The following KAZN variants were observed in gnomAD, a reference collection of about 807,000 sequenced individuals.
KAZN encodes the protein kazrin.
Under a neutral mutation model 87.4 loss-of-function variants are expected in KAZN, and 40 were observed. The observed-to-expected ratio is 0.46, with a 90% CI of 0.36 to 0.60. The LOEUF is 0.60. Among genes scored for constraint, KAZN ranks in the 20% least tolerant of loss-of-function variants. The pLI, the probability that KAZN is intolerant of heterozygous loss-of-function variation, is 0.00. For missense variants in KAZN, 898 were observed against 1,073.9 expected, an observed-to-expected ratio of 0.84 and a Z score of 2.29; for synonymous variants, 466 against 458.3, an observed-to-expected ratio of 1.02 and a Z score of -0.22.
chr1:14,087,959 C>T (rs1406954078), intron 1 of KAZN, among the ~76,000 whole-genome samples: 1 of 147,964 alleles, frequency 6.8e-6, no homozygotes, highest in Non-Finnish European at 1.5e-5. Flanking sequence ...TAATGGTGGA[C>T]TCATAAACTG....
chr1:14,034,550 C>T (rs534967342), intron 1 of KAZN, among the ~76,000 whole-genome samples: 25 of 152,260 alleles, frequency 1.6e-4, no homozygotes, highest in African/African-American at 5.8e-4. Context: ...GTGAACAAGG[C>T]GTTTGCCATT....
intron 2 of KAZN, among the ~76,000 whole-genome samples, chr1:14,382,630 C>A (rs1219481870): frequency 6.8e-6 from 1 of 147,940 alleles, no homozygotes; most frequent in Non-Finnish European, 1.5e-5. Context: ...CATCCATGTC[C>A]CTACAAAGGA....
intron 1 of KAZN, among the ~76,000 whole-genome samples, chr1:13,902,303 T>A (rs1273964242): frequency 6.6e-6 from 1 of 152,354 alleles, no homozygotes; most frequent in Non-Finnish European, 1.5e-5. Flanking sequence ...GCTTCCATGA[T>A]ACCAAAAGTC....
intron 2 of KAZN, among the ~76,000 whole-genome samples, chr1:14,358,759 TC>T (rs1659253244): frequency 1.3e-5 from 2 of 152,212 alleles, no homozygotes; most frequent in Non-Finnish European, 2.9e-5. Flanking sequence ...AATCCTGAGT[TC>T]TAATTTGATA....
chr1:13,998,904 C>T (rs545667224), intron 1 of KAZN, among the ~76,000 whole-genome samples: 27 of 149,848 alleles, frequency 1.8e-4, no homozygotes, highest in African/African-American at 5.8e-4. Context: ...ACAAATCAAC[C>T]GAATATACAT....
chr1:14,119,668 T>C (rs775214669), intron 1 of KAZN, among the ~76,000 whole-genome samples: 13 of 152,084 alleles, frequency 8.5e-5, no homozygotes, highest in Non-Finnish European at 1.9e-4. Flanking sequence ...TCCAACCCAG[T>C]GTGGGACATG....
chr1:14,988,897 C>G (rs770552883), intron 2 of KAZN, among the ~76,000 whole-genome samples: 1 of 152,230 alleles, frequency 6.6e-6, no homozygotes, highest in African/African-American at 2.4e-5. Context: ...CCACTGCATG[C>G]GAGACCACCT....
intron 1 of KAZN, among the ~76,000 whole-genome samples, chr1:14,685,787 G>A (rs968525634): frequency 4.6e-5 from 7 of 152,200 alleles, no homozygotes; most frequent in African/African-American, 1.7e-4. Context: ...TCTAGAAAGA[G>A]TAGTTGTTTC....
chr1:14,117,300 G>T (rs1011803482), intron 1 of KAZN, among the ~76,000 whole-genome samples: 17 of 152,080 alleles, frequency 1.1e-4, no homozygotes, highest in Non-Finnish European at 1.0e-4. Context: ...GAATCATGGG[G>T]GCAGGTCTTT....
intron 1 of KAZN, among the ~76,000 whole-genome samples, chr1:14,751,501 A>G (rs1644411160): frequency 6.6e-6 from 1 of 152,192 alleles, no homozygotes. Context: ...CACCCTGACA[A>G]GGTAGGCACT....
At chr1:15,052,454 C>G (rs977881217) in intron 4 of KAZN, among the ~76,000 whole-genome samples, 1 of 152,128 alleles carries the variant, frequency 6.6e-6, no homozygotes, top group African/African-American at 2.4e-5. Context: ...CACTAGGTCC[C>G]TCCCATGACA....
rs1033267204 is a variant in KAZN, at chr1:15,041,872, G to A, written c.556-2117G>A. On this transcript the variant is annotated intron_variant, in intron 3 of 14. Transcript: ENST00000376030. ...TCTACCACACTGTCTATGAGCTGGC[G>A]AAGTTGTTTTACCTCTCTGGGCCTC... Among the ~76,000 whole-genome samples the A allele has an allele frequency of 7.2e-5, 11 of 152,118 alleles. No homozygotes were observed. The East Asian group carries it at 9.6e-4, about 13-fold the overall frequency.
chr1:14,787,494 A>G (rs1645543256), intron 1 of KAZN, among the ~76,000 whole-genome samples: 2 of 152,216 alleles, frequency 1.3e-5, no homozygotes. Flanking sequence ...TGACCATGGT[A>G]CTACTACCTG....
At chr1:14,443,437 A>T (rs1463805080) in intron 2 of KAZN, among the ~76,000 whole-genome samples, 2 of 152,250 alleles carry the variant, frequency 1.3e-5, no homozygotes, top group Non-Finnish European at 2.9e-5. Context: ...GCTTTGCTCC[A>T]GTAATGAAAT....
At chr1:14,354,006 C>G (rs768491699) in intron 2 of KAZN, among the ~76,000 whole-genome samples, 5 of 152,116 alleles carry the variant, frequency 3.3e-5, no homozygotes, top group African/African-American at 4.8e-5. Flanking sequence ...AGGACTTTCT[C>G]TGACTTAAAA....
intron 1 of KAZN, among the ~76,000 whole-genome samples, chr1:14,732,220 C>T (rs1462683074): frequency 6.6e-6 from 1 of 152,182 alleles, no homozygotes; most frequent in Non-Finnish European, 1.5e-5. Context: ...AAAGCAAGTA[C>T]CACCAAGACC....
intron 1 of KAZN, among the ~76,000 whole-genome samples, chr1:14,821,804 T>C (rs138180790): frequency 6.6e-5 from 10 of 152,290 alleles, no homozygotes; most frequent in African/African-American, 2.4e-4. Flanking sequence ...CTGGTACTAC[T>C]GTCACCAGCT....
intron 1 of KAZN, among the ~76,000 whole-genome samples, chr1:14,740,001 G>A (rs990848884): frequency 6.6e-6 from 1 of 152,120 alleles, no homozygotes; most frequent in African/African-American, 2.4e-5. Context: ...AGTTGAGAAC[G>A]GGGGAAAGAA....
At chr1:14,009,955 C>T (rs1349535628) in intron 1 of KAZN, among the ~76,000 whole-genome samples, 1 of 152,062 alleles carries the variant, frequency 6.6e-6, no homozygotes, top group African/African-American at 2.4e-5. Context: ...TGGCCAGAAA[C>T]ACACTCTCTC....
Sources: gnomAD v4.1 joint callset for allele counts (sites outside exome capture counted in the v4.1 genomes callset) on GRCh38, gnomAD v4.1.1 for gene constraint, MANE v1.5 for transcripts, NCBI Gene and HGNC (gene_info 2026-07-23, HGNC 2026-07-21) for gene names.